CYP4F3: variants seen among roughly 807,000 people sequenced by gnomAD.
CYP4F3 encodes cytochrome P450 4F3.
A neutral mutation model predicts 54.8 loss-of-function variants in CYP4F3; 50 were observed. That is an observed-to-expected ratio of 0.91 (90% CI 0.73 to 1.16). The LOEUF is 1.16. Among genes scored for constraint, CYP4F3 ranks in the 50% most tolerant of loss-of-function variants. The pLI is 0.00. For missense variants in CYP4F3, 715 were observed against 676.2 expected, an observed-to-expected ratio of 1.06 and a Z score of -0.64; for synonymous variants, 244 against 262.6, an observed-to-expected ratio of 0.93 and a Z score of 0.69.
At chr19:15,641,680 G>A in intron 2 of CYP4F3, 67 bp downstream of exon 2, 2 of 1,538,230 alleles carry the variant, frequency 1.3e-6, no homozygotes, top group South Asian at 2.2e-5. Context: ...GTAAGAATGA[G>A]GCTCAGGTGA....
rs761124918 is a variant in CYP4F3 at position 15,659,377 on chromosome 19, C to A, written c.1555C>A (p.Leu519Met). ...EGGLWLRVEP[L>M]S ...CGGACTTTGGCTGCGGGTGGAGCCC[C>A]TGAGCTGAGTTCTGCAGAGACCCAC... The change falls in exon 13 of 13, where the codon CTG becomes ATG. Residue 519 changes from leucine to methionine, a missense_variant. Transcript: ENST00000221307. 2.4e-5 allele frequency: 38 copies of A among 1,611,344 alleles called. No homozygotes were observed. Among genetic ancestry groups the A allele is most frequent in the South Asian group, 1.5e-4 (14 of 90,768 alleles).
chr19:15,643,341 GATAC>G (rs57533713), intron 2 of CYP4F3, among the ~76,000 whole-genome samples: 5 of 148,860 alleles, frequency 3.4e-5, no homozygotes, highest in East Asian at 3.9e-4. Flanking sequence ...TAGACAGATA[GATAC>G]ATACATACAT....
intron 3 of CYP4F3, 79 bp from the exon 4 acceptor site, chr19:15,646,973 T>C: frequency 2.5e-6 from 4 of 1,587,540 alleles, no homozygotes; most frequent in Non-Finnish European, 3.4e-6. Context: ...TGCAAACCTC[T>C]TGCTGGGAGC....
In CYP4F3 at chr19:15,643,402, GTAAATAGATAGATAGA is replaced by G. The variant is rs1273412535; in HGVS notation, c.198+1792_198+1807del. On this transcript the variant is annotated intron_variant, in intron 2 of 12. Coordinates refer to ENST00000221307, the MANE Select transcript of CYP4F3 (RefSeq NM_000896.3). ...GGTAGATATGTAGAGATATATATAG[GTAAATAGATAGATAGA>G]TAGATAGATAGATAGATAGATAGAT... Among the ~76,000 whole-genome samples, 590 of 143,418 alleles carry G rather than the reference GTAAATAGATAGATAGA, an allele frequency of 4.1e-3. 1 individual carries two copies. The highest frequency in any genetic ancestry group is 7.5e-3 in the African/African-American group (290 of 38,828). 94.1% of individuals were successfully genotyped at this position (143,418 alleles called of 152,430 possible).
At chr19:15,646,902 TC>T (rs1972641726) in intron 3 of CYP4F3, 149 bp from the exon 4 acceptor site, 3 of 1,102,790 alleles carry the variant, frequency 2.7e-6, no homozygotes. Context: ...CCCTCCCCCA[TC>T]CTGCCTTCTT....
chr19:15,650,310 A>T (rs758192908), intron 7 of CYP4F3, 127 bp downstream of exon 7: 33 of 1,576,394 alleles, frequency 2.1e-5, no homozygotes, highest in Non-Finnish European at 2.8e-5. Context: ...GAAGGGAGGG[A>T]CAGGTCAGAG....
intron 9 of CYP4F3, among the ~76,000 whole-genome samples, chr19:15,657,630 C>T (rs773126364): frequency 1.3e-5 from 2 of 148,886 alleles, no homozygotes; most frequent in African/African-American, 2.5e-5. Context: ...ATGGCACAAA[C>T]TTTCCCATAA....
chr19:15,646,841 G>A (rs1972639460), intron 3 of CYP4F3, among the ~76,000 whole-genome samples: 1 of 152,096 alleles, frequency 6.6e-6, no homozygotes, highest in Admixed American at 6.6e-5. Flanking sequence ...TGCCATGTTA[G>A]GCAGTGTCAT....
chr19:15,646,573 A>G (rs1213673500), intron 3 of CYP4F3, among the ~76,000 whole-genome samples: 2 of 152,148 alleles, frequency 1.3e-5, no homozygotes, highest in African/African-American at 4.8e-5. Flanking sequence ...AGAGCATACC[A>G]TCTCATGTTA....
intron 5 of CYP4F3, among the ~76,000 whole-genome samples, chr19:15,647,912 G>T (rs762617612): frequency 2.0e-5 from 3 of 152,128 alleles, no homozygotes; most frequent in Non-Finnish European, 4.4e-5. Flanking sequence ...TACAGATAGG[G>T]TTCCAGGGAA....
rs182323865 is a variant in CYP4F3, at chr19:15,651,370, G to A, written c.918+1187G>A. On this transcript the variant is annotated intron_variant, in intron 7 of 12. Transcript: ENST00000221307. The stretch of plus-strand genomic sequence containing the variant: ...ATGTCAATGCTATATCTATATCTTT[G>A]TCTTTTTTTTTTTTTGAGATGGAGT... Among the ~76,000 whole-genome samples the A allele has an allele frequency of 2.9e-3, 250 of 87,238 alleles. 28 individuals carry two copies. Among genetic ancestry groups the A allele is most frequent in the African/African-American group, 0.012 (244 of 19,940 alleles). The allele number at this position is 87,238 out of a possible 152,430, so 57.2% of individuals were successfully genotyped here.
chr19:15,652,586 G>A lies in CYP4F3; in HGVS notation c.936G>A (p.Lys312=). The A allele has an allele frequency of 6.2e-7, 1 of 1,614,202 alleles. No homozygotes were observed. The highest frequency in any genetic ancestry group is 1.1e-5 in the South Asian group (1 of 91,086). ...LLLSKDEDGK[K]LSDEDIRAEA... ...CTCTCCAGGATGAAGATGGGAAGAA[G>A]TTGTCCGATGAGGACATAAGAGCAG... Residue 312 remains lysine (K), a synonymous_variant, in exon 8 of 13, where the codon AAG becomes AAA. Transcript: ENST00000221307.
intron 5 of CYP4F3, among the ~76,000 whole-genome samples, chr19:15,648,796 G>A (rs1972702183): frequency 6.6e-6 from 1 of 152,212 alleles, no homozygotes. Context: ...GCTAATGAGT[G>A]AGCTTGGCAT....
intron 3 of CYP4F3, among the ~76,000 whole-genome samples, chr19:15,646,327 A>G (rs375409561): frequency 1.2e-4 from 18 of 152,114 alleles, no homozygotes; most frequent in African/African-American, 4.3e-4. Context: ...CATCTGGGCC[A>G]TGTTTGGGGG....
rs1973174775 is a variant in CYP4F3 at position 15,661,197 on chromosome 19, G to A, written c.*1812G>A. On this transcript the variant is annotated 3_prime_UTR_variant, in exon 13 of 13. Coordinates refer to ENST00000221307, the MANE Select transcript of CYP4F3 (RefSeq NM_000896.3). ...GAATCACTTGAAACCCACAGGCGGA[G>A]GTTGCAGTGAGCTGAGGTGGTGCCA... 6.6e-6 allele frequency: 1 copy of A among 152,050 alleles called. No homozygotes were observed. Among genetic ancestry groups the A allele is most frequent in the South Asian group, 2.1e-4 (1 of 4,816 alleles). The allele number at this position is 152,050 out of a possible 1,614,324, so 9.4% of individuals were successfully genotyped here. A position where few individuals can be genotyped will look rare whatever the true frequency, so the allele number is the denominator to read the frequency against.
intron 12 of CYP4F3, 149 bp from the exon 13 acceptor site, chr19:15,659,071 G>A: frequency 7.9e-7 from 1 of 1,262,400 alleles, no homozygotes; most frequent in Non-Finnish European, 1.1e-6. Flanking sequence ...GGATATGCAA[G>A]CCCACATGGG....
In CYP4F3 at chr19:15,645,752, C is replaced by G. The variant is rs1378441769; in HGVS notation, c.232C>G (p.Gln78Glu). 3.7e-6 allele frequency: 6 copies of G among 1,613,814 alleles called. No homozygotes were observed. The change falls in exon 3 of 13, where the codon CAA (glutamine) becomes GAA (glutamate). Residue 78 changes from glutamine (Q) to glutamate (E), a missense_variant. By Grantham distance (29) the Gln-to-Glu change is conservative. Transcript: ENST00000221307. ...CTCGGAGGAAGGTCTCCTATACACA[C>G]AAAGCCTGGCATGCACCTTCGGTGA... ...HSSEEGLLYT[Q>E]SLACTFGDMC...
intron 9 of CYP4F3, among the ~76,000 whole-genome samples, chr19:15,655,162 G>T (rs949202554): frequency 3.3e-5 from 5 of 152,126 alleles, no homozygotes; most frequent in African/African-American, 4.8e-5. Context: ...TTGGCCATTT[G>T]TATGTTTTAT....
intron 9 of CYP4F3, 132 bp from the exon 10 acceptor site, chr19:15,658,132 C>A (rs919184769): frequency 1.3e-6 from 2 of 1,542,498 alleles, no homozygotes; most frequent in Non-Finnish European, 1.7e-6. Flanking sequence ...TTTATTCCTG[C>A]GACTTTGTAA....
Sources: allele counts gnomAD v4.1 joint callset (sites outside exome capture counted in the v4.1 genomes callset), GRCh38; gene constraint gnomAD v4.1.1; transcripts MANE v1.5; gene names NCBI Gene and HGNC (gene_info 2026-07-23, HGNC 2026-07-21).